Variants in SNTG1 observed in about 807,000 individuals in gnomAD.
SNTG1 encodes syntrophin gamma 1.
A neutral mutation model predicts 74.7 loss-of-function variants in SNTG1; 39 were observed. The observed-to-expected ratio is 0.52, with a 90% CI of 0.40 to 0.68. The LOEUF (loss-of-function observed/expected upper bound fraction) is 0.68, where lower values mean the gene tolerates loss of function less well. Ranked by LOEUF, SNTG1 falls within the 30% of genes least tolerant of loss-of-function variation. The pLI is 0.00. For missense variants in SNTG1, 685 were observed against 609.5 expected (o/e 1.12, Z -1.30); for synonymous variants, 254 against 217.1 (o/e 1.17, Z -1.49).
chr8:50,544,047 A>G (rs2094367950), intron 11 of SNTG1, among the ~76,000 whole-genome samples: 1 of 152,106 alleles, frequency 6.6e-6, no homozygotes, highest in South Asian at 2.1e-4. Flanking sequence ...GTTGAGATAT[A>G]CATATATCTC....
chr8:50,764,603 A>G (rs1218437029), intron 18 of SNTG1, among the ~76,000 whole-genome samples: 1 of 151,900 alleles, frequency 6.6e-6, no homozygotes, highest in Non-Finnish European at 1.5e-5. Flanking sequence ...TCAAATGGCT[A>G]TTATCAAAAA....
At chr8:49,981,422 G>A (rs1402523836) in intron 1 of SNTG1, among the ~76,000 whole-genome samples, 1 of 90,946 alleles carries the variant, frequency 1.1e-5, no homozygotes, top group Non-Finnish European at 2.1e-5. Flanking sequence ...TATCTTGGAG[G>A]CAGGCTAGAC....
At chr8:50,109,176 G>C (rs1200307810) in intron 1 of SNTG1, among the ~76,000 whole-genome samples, 1 of 152,016 alleles carries the variant, frequency 6.6e-6, no homozygotes, top group East Asian at 1.9e-4. Context: ...CATACCACAG[G>C]AATCAAAAGA....
chr8:49,988,324 T>C (rs1813364821), intron 1 of SNTG1, among the ~76,000 whole-genome samples: 1 of 152,124 alleles, frequency 6.6e-6, no homozygotes, highest in South Asian at 2.1e-4. Flanking sequence ...TTACAGTAAC[T>C]TCTAGATGCC....
At position 50,752,096 on chromosome 8, in the gene SNTG1, A is replaced by G. The variant is rs1421225550; in HGVS notation, c.1380A>G (p.Lys460=). The part of the protein sequence containing the change: ...IKFLFQNPDT[K]QIEAKELEFS... ...TTTTGTTTCAGAATCCAGATACTAAACAGATTGAAGCAAAGGTAAACCCAA... is the reference window on the plus strand; with the variant it reads ...TTTTGTTTCAGAATCCAGATACTAAGCAGATTGAAGCAAAGGTAAACCCAA... Residue 460 remains lysine (K), a synonymous_variant, in exon 18 of 19, where the codon AAA becomes AAG. Coordinates refer to ENST00000642720, the MANE Select transcript of SNTG1 (RefSeq NM_018967.5). 2 of 1,553,854 alleles carry G rather than the reference A, an allele frequency of 1.3e-6. No individual in the cohort carries two copies. The highest frequency in any genetic ancestry group is 2.5e-5 in the East Asian group (1 of 40,174).
chr8:50,025,194 C>T (rs376153414), intron 1 of SNTG1, among the ~76,000 whole-genome samples: 1 of 151,982 alleles, frequency 6.6e-6, no homozygotes, highest in Non-Finnish European at 1.5e-5. Flanking sequence ...ATTATAAAAA[C>T]GTTAACTCTG....
chr8:50,123,633 C>T (rs1445752407), intron 1 of SNTG1, among the ~76,000 whole-genome samples: 2 of 142,436 alleles, frequency 1.4e-5, no homozygotes, highest in South Asian at 2.6e-4. Flanking sequence ...AACAAAAACC[C>T]TCTTTCAGAA....
intron 8 of SNTG1, among the ~76,000 whole-genome samples, chr8:50,468,083 T>C (rs1195986301): frequency 6.6e-6 from 1 of 151,928 alleles, no homozygotes; most frequent in African/African-American, 2.4e-5. Context: ...AAATTTTCCA[T>C]ATAAGCTTGA....
chr8:50,264,150 T>G (rs1469827781), intron 2 of SNTG1, among the ~76,000 whole-genome samples: 2 of 152,154 alleles, frequency 1.3e-5, no homozygotes, highest in East Asian at 3.9e-4. Context: ...ATTAAAACAC[T>G]GCATACCAAA....
At chr8:50,320,345 T>C (rs1034740290) in intron 2 of SNTG1, among the ~76,000 whole-genome samples, 1 of 152,186 alleles carries the variant, frequency 6.6e-6, no homozygotes, top group African/African-American at 2.4e-5. Flanking sequence ...TTCTGCCATA[T>C]CAATTGTAAT....
At chr8:50,498,594 T>G (rs1302892676) in intron 8 of SNTG1, among the ~76,000 whole-genome samples, 1 of 151,948 alleles carries the variant, frequency 6.6e-6, no homozygotes, top group Non-Finnish European at 1.5e-5. Context: ...CAATTTTGAT[T>G]ACTCCCAACT....
At chr8:50,300,692 T>G (rs1445104230) in intron 2 of SNTG1, among the ~76,000 whole-genome samples, 2 of 152,146 alleles carry the variant, frequency 1.3e-5, no homozygotes, top group Non-Finnish European at 2.9e-5. Context: ...CTGTGTGGAT[T>G]CAAGTTACCA....
chr8:50,585,878 A>G lies in SNTG1; in HGVS notation c.811-5001A>G, dbSNP rs148495624. 3.8e-3 allele frequency among the ~76,000 whole-genome samples: 582 copies of G among 152,306 alleles called. 4 individuals are homozygous for G. Among genetic ancestry groups the G allele is most frequent in the African/African-American group, 0.013 (547 of 41,568 alleles). On this transcript the variant is annotated intron_variant, in intron 12 of 18. Coordinates refer to ENST00000642720, the MANE Select transcript of SNTG1 (RefSeq NM_018967.5). Reference sequence around the variant, plus strand: ...GTATTTTTCAAAGCAAATTATTGCCAGTATCTTTATATTGAGAGTTCACTT... The same window carrying G: ...GTATTTTTCAAAGCAAATTATTGCCGGTATCTTTATATTGAGAGTTCACTT...
At chr8:49,913,441 T>C (rs1414247172) in intron 1 of SNTG1, among the ~76,000 whole-genome samples, 4 of 152,182 alleles carry the variant, frequency 2.6e-5, no homozygotes, top group African/African-American at 9.7e-5. Flanking sequence ...GTGGCATTCA[T>C]TGGTGGGGTG....
chr8:50,567,321 C>T (rs941895734), intron 12 of SNTG1, among the ~76,000 whole-genome samples: 9 of 152,028 alleles, frequency 5.9e-5, no homozygotes, highest in Admixed American at 2.0e-4. Flanking sequence ...GAAATTAATA[C>T]CAATCTGTAA....
chr8:50,513,796 T>A (rs2094107752), intron 9 of SNTG1, among the ~76,000 whole-genome samples: 1 of 152,226 alleles, frequency 6.6e-6, no homozygotes, highest in Non-Finnish European at 1.5e-5. Context: ...TGACCCAATT[T>A]TCCAGATGCT....
At chr8:50,034,534 T>C (rs550097027) in intron 1 of SNTG1, among the ~76,000 whole-genome samples, 14 of 152,218 alleles carry the variant, frequency 9.2e-5, no homozygotes, top group Admixed American at 3.9e-4. Flanking sequence ...CAGGGTGGGA[T>C]TGGGGTGGGG....
At chr8:50,488,689 T>C (rs16914936) in intron 8 of SNTG1, among the ~76,000 whole-genome samples, 2,998 of 152,276 alleles carry the variant, frequency 0.02, 99 homozygotes, top group African/African-American at 0.063. Flanking sequence ...CAGCAAGCCA[T>C]GTTATTGACA....
intron 1 of SNTG1, among the ~76,000 whole-genome samples, chr8:50,152,067 G>A (rs2082087617): frequency 6.6e-6 from 1 of 152,122 alleles, no homozygotes; most frequent in African/African-American, 2.4e-5. Flanking sequence ...AGGTCTCTAA[G>A]GACTTGCTTT....
Sources: allele counts gnomAD v4.1 joint callset (sites outside exome capture counted in the v4.1 genomes callset), GRCh38; gene constraint gnomAD v4.1.1; transcripts MANE v1.5; gene names NCBI Gene and HGNC (gene_info 2026-07-23, HGNC 2026-07-21).